The following BCO2 variants were observed in gnomAD, a reference collection of about 807,000 sequenced individuals.
BCO2 encodes the protein carotenoid-cleaving dioxygenase, mitochondrial.
In BCO2, 56 loss-of-function variants were observed where a neutral mutation model predicts 65.8. The ratio of observed to expected loss-of-function variants is 0.85; its 90% CI spans 0.69 to 1.06. The LOEUF (loss-of-function observed/expected upper bound fraction) is 1.06, where lower values mean the gene tolerates loss of function less well. BCO2 is among the 50% of genes least tolerant of loss of function. BCO2 has a pLI of 0.00. For synonymous variants in BCO2, 233 were observed against 242.3 expected (o/e 0.96, Z 0.36); for missense variants, 675 against 698.5 (o/e 0.97, Z 0.38).
At chr11:112,201,241 G>A (rs140470985) in intron 7 of BCO2, among the ~76,000 whole-genome samples, 2,584 of 151,884 alleles carry the variant, frequency 0.017, 65 homozygotes, top group African/African-American at 0.057. Flanking sequence ...TCCACCTCCC[G>A]GGTTCAAGTG....
intron 2 of BCO2, chr11:112,182,813 G>A (rs569629050): frequency 5.8e-5 from 38 of 653,128 alleles, no homozygotes; most frequent in African/African-American, 2.9e-4. Flanking sequence ...GTAACAAACC[G>A]GCACGTGGTG....
intron 8 of BCO2, among the ~76,000 whole-genome samples, chr11:112,203,941 G>A (rs1029644274): frequency 3.3e-5 from 5 of 151,440 alleles, no homozygotes; most frequent in Non-Finnish European, 7.4e-5. Flanking sequence ...TGCAACCTCT[G>A]CTCCCGGGTT....
At chr11:112,192,925 G>GTTTTTTTTTTTTTTTTTTT (rs71060229) in intron 2 of BCO2, among the ~76,000 whole-genome samples, 2 of 36,670 alleles carry the variant, frequency 5.5e-5, no homozygotes, top group African/African-American at 2.1e-4. Flanking sequence ...AAAATGTGAG[G>GTTTTTTTTTTTTTTTTTTT]TTTTTTTTTT....
chr11:112,193,588 T>C lies in BCO2; in HGVS notation c.408T>C (p.Ala136=). The C allele has an allele frequency of 6.2e-7, 1 of 1,614,152 alleles. No individual in the cohort carries two copies. The highest frequency in any genetic ancestry group is 8.5e-7 in the Non-Finnish European group (1 of 1,180,004). The change falls in exon 3 of 12, where the codon GCT becomes GCC. Residue 136 remains alanine (A), a synonymous_variant. Transcript: ENST00000357685. ...GTGATACATATAAGGCCAACAGTGC[T>C]AAAAACCGAATTGTGATCTCAGAAT... The part of the protein sequence containing the change: ...LQSDTYKANS[A]KNRIVISEFG...
intron 2 of BCO2, chr11:112,180,759 G>C (rs1867017828): frequency 4.3e-6 from 4 of 926,422 alleles, no homozygotes; most frequent in Non-Finnish European, 7.2e-6. Flanking sequence ...TCAGGACCCA[G>C]TGGGGGCAGC....
intron 8 of BCO2, 26 bp downstream of exon 8, chr11:112,202,216 C>A: frequency 6.3e-7 from 1 of 1,580,272 alleles, no homozygotes; most frequent in South Asian, 1.2e-5. Flanking sequence ...TGTCAAGAGT[C>A]ATCAAAATAA....
intron 2 of BCO2, among the ~76,000 whole-genome samples, chr11:112,188,097 G>A (rs1194380110): frequency 1.3e-5 from 2 of 151,922 alleles, no homozygotes; most frequent in African/African-American, 4.8e-5. Context: ...CCTGTGTTTT[G>A]CCAACTGGCT....
At chr11:112,180,692 G>GA (rs1867014279) in intron 2 of BCO2, 1 of 752,952 alleles carries the variant, frequency 1.3e-6, no homozygotes. Flanking sequence ...TGGAGGGGGG[G>GA]AAGGGCGGGA....
chr11:112,212,680 T>G (rs1859544328), intron 8 of BCO2, among the ~76,000 whole-genome samples: 1 of 152,164 alleles, frequency 6.6e-6, no homozygotes, highest in Non-Finnish European at 1.5e-5. Flanking sequence ...TGTAAAATGT[T>G]GTCTGCCAAA....
chr11:112,213,729 T>G lies in BCO2; in HGVS notation c.1200T>G (p.His400Gln). 6.2e-7 allele frequency: 1 copy of G among 1,613,174 alleles called. No individual in the cohort carries two copies. The highest frequency in any genetic ancestry group is 8.5e-7 in the Non-Finnish European group (1 of 1,179,428). The change falls in exon 9 of 12, where the codon CAT becomes CAG. Residue 400 changes from histidine to glutamine, a missense_variant. Physicochemically the swap from His to Gln is conservative, Grantham distance 24. Coordinates refer to ENST00000357685, the MANE Select transcript of BCO2 (RefSeq NM_031938.7). ...RKAGEGLDQV[H>Q]NSAAKSFPRR... Reference sequence around the variant, plus strand: ...TCTTTCTTCTTCCCAAACAGGTCCATAATTCAGCAGCCAAATCTTTCCCTC... The same window carrying G: ...TCTTTCTTCTTCCCAAACAGGTCCAGAATTCAGCAGCCAAATCTTTCCCTC...
At chr11:112,187,481 G>A (rs527416281) in intron 2 of BCO2, among the ~76,000 whole-genome samples, 2,400 of 151,144 alleles carry the variant, frequency 0.016, 26 homozygotes, top group Non-Finnish European at 0.026. Context: ...TTAGCAGTCA[G>A]TGTTCTTTCC....
chr11:112,195,859 T>A (rs981738728), intron 5 of BCO2, among the ~76,000 whole-genome samples: 3 of 152,252 alleles, frequency 2.0e-5, no homozygotes, highest in Non-Finnish European at 4.4e-5. Flanking sequence ...CTTCAGGGAT[T>A]CCGGTTTAGT....
At chr11:112,188,187 T>A (rs894392087) in intron 2 of BCO2, among the ~76,000 whole-genome samples, 1 of 152,210 alleles carries the variant, frequency 6.6e-6, no homozygotes, top group Non-Finnish European at 1.5e-5. Context: ...CCAGTGCTTG[T>A]TCTTCATGTC....
intron 2 of BCO2, chr11:112,181,595 C>G: frequency 2.6e-6 from 2 of 760,044 alleles, no homozygotes; most frequent in African/African-American, 1.7e-5. Context: ...TTAGAAGAAG[C>G]AAGATTTTTT....
At chr11:112,188,637 C>A (rs1442017008) in intron 2 of BCO2, among the ~76,000 whole-genome samples, 1 of 152,170 alleles carries the variant, frequency 6.6e-6, no homozygotes, top group Non-Finnish European at 1.5e-5. Flanking sequence ...TCATCTCTGC[C>A]CTTGTCCTCT....
At chr11:112,189,409 T>G (rs1361577212) in intron 2 of BCO2, among the ~76,000 whole-genome samples, 2 of 150,292 alleles carry the variant, frequency 1.3e-5, no homozygotes, top group Non-Finnish European at 3.0e-5. Context: ...AGGAAATTTT[T>G]TTTTTTTTTT....
intron 7 of BCO2, among the ~76,000 whole-genome samples, chr11:112,201,797 A>G (rs1022026394): frequency 1.3e-5 from 2 of 152,210 alleles, no homozygotes; most frequent in Non-Finnish European, 2.9e-5. Context: ...TGATTGGTCT[A>G]TATCAAATAG....
At chr11:112,204,946 T>A (rs1259960260) in intron 8 of BCO2, among the ~76,000 whole-genome samples, 2 of 152,240 alleles carry the variant, frequency 1.3e-5, no homozygotes, top group Non-Finnish European at 2.9e-5. Context: ...ATTACAGGCT[T>A]GAGCCACCAC....
At chr11:112,200,837 T>C (rs1867712554) in intron 7 of BCO2, 64 bp downstream of exon 7, 1 of 1,552,122 alleles carries the variant, frequency 6.4e-7, no homozygotes, top group African/African-American at 1.4e-5. Flanking sequence ...TTCCATATAG[T>C]TGATTTTTTA....
Sources: allele counts gnomAD v4.1 joint callset (sites outside exome capture counted in the v4.1 genomes callset), GRCh38; gene constraint gnomAD v4.1.1; transcripts MANE v1.5; gene names NCBI Gene and HGNC (gene_info 2026-07-23, HGNC 2026-07-21).